GRIN2D: variants seen among roughly 807,000 people sequenced by gnomAD.
The protein encoded by GRIN2D is glutamate receptor ionotropic, NMDA 2D.
GRIN2D carries 37 observed loss-of-function variants against 103.2 expected under a neutral mutation model. The observed-to-expected ratio is 0.36, with a 90% CI of 0.28 to 0.47. The LOEUF is 0.47. Ranked by LOEUF, GRIN2D falls within the 20% of genes least tolerant of loss-of-function variation. GRIN2D has a pLI of 1.00. For missense variants in GRIN2D, 1,557 were observed against 1,910.6 expected (o/e 0.81, Z 3.45); for synonymous variants, 845 against 885.6 (o/e 0.95, Z 0.81).
intron 11 of GRIN2D, among the ~76,000 whole-genome samples, chr19:48,434,263 T>C (rs1004617574): frequency 4.0e-5 from 6 of 151,106 alleles, no homozygotes; most frequent in African/African-American, 4.9e-5. Flanking sequence ...GCTTCTTCTA[T>C]TTTCTTTTGA....
intron 4 of GRIN2D, 66 bp from the exon 5 acceptor site, chr19:48,413,925 C>A: frequency 1.1e-6 from 1 of 895,422 alleles, no homozygotes; most frequent in Non-Finnish European, 1.9e-6. Flanking sequence ...AGGGGACTTT[C>A]TCTGCCTTCC....
chr19:48,438,287 C>CTTTTTGTTTTT (rs1971253937), intron 11 of GRIN2D, among the ~76,000 whole-genome samples: 1 of 57,726 alleles, frequency 1.7e-5, no homozygotes, highest in African/African-American at 7.6e-5. Context: ...ATCCAGCCGC[C>CTTTTTGTTTTT]TTTTTTTTTT....
intron 4 of GRIN2D, among the ~76,000 whole-genome samples, chr19:48,411,082 C>A (rs555097002): frequency 1.6e-4 from 25 of 152,200 alleles, no homozygotes; most frequent in Non-Finnish European, 2.9e-4. Flanking sequence ...GCGGCTCGTG[C>A]CAGTAATCCC....
At chr19:48,433,830 G>A (rs1015748027) in intron 11 of GRIN2D, among the ~76,000 whole-genome samples, 5 of 152,050 alleles carry the variant, frequency 3.3e-5, no homozygotes, top group African/African-American at 7.2e-5. Context: ...CTTTTTCCAC[G>A]GAGAAAGCCC....
chr19:48,420,990 G>T (rs1314374306), intron 10 of GRIN2D, among the ~76,000 whole-genome samples: 1 of 152,186 alleles, frequency 6.6e-6, no homozygotes, highest in Non-Finnish European at 1.5e-5. Flanking sequence ...CATACTTTGA[G>T]ACTAAAGTGA....
rs1363162717 is a variant in GRIN2D, at chr19:48,400,074, A to G, written c.465+1217A>G. ...ACCCAGCCAATGACAGATCAAAGCC[A>G]GGAGCCTGCTGGGAAGGGATGGTAG... On this transcript the variant is annotated intron_variant, in intron 3 of 13. Transcript: ENST00000263269. 1.7e-4 allele frequency among the ~76,000 whole-genome samples: 26 copies of G among 152,224 alleles called. 1 individual carries two copies. The highest frequency in any genetic ancestry group is 1.7e-3 in the Admixed American group (26 of 15,280).
rs1432690454 is a variant in GRIN2D, at chr19:48,421,724, G to C, written c.2092-61G>C. ...AGATAGCGGGTGTGTCTCAGAATGG[G>C]TGATTTATGTTAGGGATGTCCCTGC... On this transcript the variant is annotated intron_variant, in intron 10 of 13. Coordinates refer to ENST00000263269, the MANE Select transcript of GRIN2D (RefSeq NM_000836.4). This position sits in a 1 kb window ranked among gnomAD's most constrained non-coding sequence, Gnocchi z 4.8. 2.8e-6 allele frequency: 4 copies of C among 1,426,432 alleles called. No homozygotes were observed. The East Asian group carries it at 9.1e-5, about 32-fold the overall frequency. 88.4% of individuals were successfully genotyped at this position (1,426,432 alleles called of 1,614,324 possible).
At chr19:48,440,242 C>T (rs1348458306) in intron 11 of GRIN2D, among the ~76,000 whole-genome samples, 1 of 151,822 alleles carries the variant, frequency 6.6e-6, no homozygotes, top group Non-Finnish European at 1.5e-5. Context: ...ATAAATAAAT[C>T]AGGGCCTAGT....
chr19:48,443,945 C>T lies in GRIN2D; in HGVS notation c.*8C>T. 1 of 1,392,344 alleles carries T rather than the reference C, an allele frequency of 7.2e-7. No homozygotes were observed. The highest frequency in any genetic ancestry group is 3.1e-5 in the East Asian group (1 of 32,476). 86.2% of individuals were successfully genotyped at this position (1,392,344 alleles called of 1,614,324 possible). On this transcript the variant is annotated 3_prime_UTR_variant, in exon 14 of 14. Coordinates refer to ENST00000263269, the MANE Select transcript of GRIN2D (RefSeq NM_000836.4). The surrounding 1 kb of genome is among the most constrained non-coding windows in gnomAD (Gnocchi z 8.9). Reference sequence around the variant, plus strand: ...CTCGAGTCCGAGGTATGACGCGGCCCCGGGGGCCCCACCGCCCCCTTGGTC... The same window carrying T: ...CTCGAGTCCGAGGTATGACGCGGCCTCGGGGGCCCCACCGCCCCCTTGGTC...
At chr19:48,406,625 A>C (rs1194653601) in intron 4 of GRIN2D, among the ~76,000 whole-genome samples, 1 of 152,250 alleles carries the variant, frequency 6.6e-6, no homozygotes, top group African/African-American at 2.4e-5. Flanking sequence ...ACTAGGGCTC[A>C]TGCTGGGCGC....
In GRIN2D at chr19:48,443,815, T is replaced by C; in HGVS notation, c.3889T>C (p.Cys1297Arg). The C allele has an allele frequency of 3.4e-6, 5 of 1,479,188 alleles. No homozygotes were observed. The highest frequency in any genetic ancestry group is 4.5e-6 in the Non-Finnish European group (5 of 1,123,070). 91.6% of individuals were successfully genotyped at this position (1,479,188 alleles called of 1,614,324 possible). A position where few individuals can be genotyped will look rare whatever the true frequency, so the allele number is the denominator to read the frequency against. Reference sequence around the variant, plus strand: ...CGGGCCCTCCCGCCACGCTCGCAGGTGTCCGCACGCCGCGCACTGGGGGCC... The same window carrying C: ...CGGGCCCTCCCGCCACGCTCGCAGGCGTCCGCACGCCGCGCACTGGGGGCC... ...LTGPSRHARR[C>R]PHAAHWGPPL... Residue 1297 changes from cysteine to arginine, a missense_variant, in exon 14 of 14, where the codon TGT (cysteine) becomes CGT (arginine). Cys to Arg is a radical substitution (Grantham distance 180). Coordinates refer to ENST00000263269, the MANE Select transcript of GRIN2D (RefSeq NM_000836.4). The surrounding 1 kb of genome is among the most constrained non-coding windows in gnomAD (Gnocchi z 8.9).
At position 48,421,409 on chromosome 19, in the gene GRIN2D, C is replaced by T. The variant is rs954888851; in HGVS notation, c.2092-376C>T. Among the ~76,000 whole-genome samples the T allele has an allele frequency of 3.5e-5, 5 of 143,850 alleles. No homozygotes were observed. The highest frequency in any genetic ancestry group is 1.3e-4 in the African/African-American group (5 of 37,070). 94.4% of individuals were successfully genotyped at this position (143,850 alleles called of 152,430 possible). A position where few individuals can be genotyped will look rare whatever the true frequency, so the allele number is the denominator to read the frequency against. ...TGCCATTGCACTCCAGCCTGGGCAA[C>T]AAGAGCAAGACTCCGTTTAAAAAAA... On this transcript the variant is annotated intron_variant, in intron 10 of 13. Coordinates refer to ENST00000263269, the MANE Select transcript of GRIN2D (RefSeq NM_000836.4). This position sits in a 1 kb window ranked among gnomAD's most constrained non-coding sequence, Gnocchi z 4.8.
intron 11 of GRIN2D, among the ~76,000 whole-genome samples, chr19:48,426,197 T>C (rs996732505): frequency 1.3e-5 from 2 of 150,624 alleles, no homozygotes; most frequent in Non-Finnish European, 2.9e-5. Context: ...TCTTTTCTCT[T>C]CTTTCTTTTT....
Position 48,405,019 on chromosome 19 carries a change from G to C in GRIN2D, c.751G>C (p.Glu251Gln). 1.2e-6 allele frequency: 2 copies of C among 1,612,232 alleles called. No homozygotes were observed. Among genetic ancestry groups the C allele is most frequent in the Non-Finnish European group, 1.7e-6 (2 of 1,179,404 alleles). The part of the protein sequence containing the change: ...AQIRLLFCAR[E>Q]EAEPVFRAAE... ...GATCCGCCTGCTCTTCTGCGCCCGA[G>C]AGGAGGCCGAGCCCGTGTTCCGCGC... The change falls in exon 4 of 14, where the codon GAG becomes CAG. Residue 251 changes from glutamate to glutamine, a missense_variant. Transcript: ENST00000263269. This position sits in a 1 kb window ranked among gnomAD's most constrained non-coding sequence, Gnocchi z 5.1.
intron 4 of GRIN2D, among the ~76,000 whole-genome samples, chr19:48,407,803 A>G (rs922248938): frequency 5.9e-5 from 9 of 152,232 alleles, no homozygotes; most frequent in African/African-American, 2.2e-4. Flanking sequence ...TATGAAAATC[A>G]AACTGGGGAA....
In GRIN2D at chr19:48,394,255, A is replaced by G. The variant is rs276716; in HGVS notation, c.-306+387A>G. Among the ~76,000 whole-genome samples, 95,488 of 151,184 alleles carry G rather than the reference A, an allele frequency of 0.63. 31,632 individuals carry two copies. Among genetic ancestry groups the G allele is most frequent in the East Asian group, 0.85 (4,348 of 5,106 alleles). ...TGAGGGGGAATCCCAGGGAAGTGAG[A>G]TCGTGCGTGTGTGCGTGAGTGTATG... On this transcript the variant is annotated intron_variant, in intron 1 of 13. Transcript: ENST00000263269. This position sits in a 1 kb window ranked among gnomAD's most constrained non-coding sequence, Gnocchi z 5.1.
Position 48,443,260 on chromosome 19 carries a change from C to T in GRIN2D, c.3334C>T (p.Pro1112Ser), listed in dbSNP as rs750001165. 7 of 1,525,672 alleles carry T rather than the reference C, an allele frequency of 4.6e-6. No individual in the cohort carries two copies. Among genetic ancestry groups the T allele is most frequent in the Non-Finnish European group, 6.1e-6 (7 of 1,145,828 alleles). 94.5% of individuals were successfully genotyped at this position (1,525,672 alleles called of 1,614,324 possible). Reference protein sequence around the residue: ...PCPYLDLEPSPSDSEDSESLG... With the variant: ...PCPYLDLEPSSSDSEDSESLG... ...CCCTTACCTCGATCTCGAGCCGTCGCCGTCGGACTCGGAGGACTCGGAGAG... is the reference window on the plus strand; with the variant it reads ...CCCTTACCTCGATCTCGAGCCGTCGTCGTCGGACTCGGAGGACTCGGAGAG... Residue 1112 changes from proline to serine, a missense_variant, in exon 14 of 14, where the codon CCG (proline) becomes TCG (serine). Physicochemically the swap from Pro to Ser is moderately conservative, Grantham distance 74 (BLOSUM62 -1). Around this residue, in one of 7 missense-constraint regions of GRIN2D, gnomAD observed 632 missense variants for 572.8 expected, o/e 1.10. Coordinates refer to ENST00000263269, the MANE Select transcript of GRIN2D (RefSeq NM_000836.4). The surrounding 1 kb of genome is among the most constrained non-coding windows in gnomAD (Gnocchi z 8.9).
chr19:48,423,743 C>CT (rs1348191277), intron 11 of GRIN2D, among the ~76,000 whole-genome samples: 14 of 151,980 alleles, frequency 9.2e-5, no homozygotes, highest in Admixed American at 9.2e-4. Flanking sequence ...AAGGTCAGGG[C>CT]TGGACTTTAT....
intron 2 of GRIN2D, among the ~76,000 whole-genome samples, chr19:48,395,350 G>A (rs1386948195): frequency 2.0e-5 from 3 of 151,356 alleles, no homozygotes; most frequent in Non-Finnish European, 4.4e-5. Context: ...CTATGAGTCT[G>A]CTATTAATAC....
Sources: gnomAD v4.1 joint callset for allele counts (sites outside exome capture counted in the v4.1 genomes callset) on GRCh38, gnomAD v4.1.1 for gene constraint, gnomAD v4.1.1 regional missense constraint, Gnocchi (gnomAD v3.1) non-coding constraint, MANE v1.5 for transcripts, NCBI Gene and HGNC (gene_info 2026-07-23, HGNC 2026-07-21) for gene names.